SECISBP2: variants seen among roughly 807,000 people sequenced by gnomAD.
SECISBP2 encodes the protein SECIS binding protein 2.
A neutral mutation model predicts 98.2 loss-of-function variants in SECISBP2; 96 were observed. That is an observed-to-expected ratio of 0.98 (90% CI 0.83 to 1.16). SECISBP2 has a LOEUF of 1.16. SECISBP2 is among the 50% of genes most tolerant of loss of function. SECISBP2 has a pLI of 0.00. For synonymous variants in SECISBP2, 407 were observed against 370.2 expected (o/e 1.10, Z -1.14); for missense variants, 1,046 against 1,022.9 (o/e 1.02, Z -0.31).
At chr9:89,352,933 C>G (rs1464674179) in intron 14 of SECISBP2, among the ~76,000 whole-genome samples, 1 of 151,768 alleles carries the variant, frequency 6.6e-6, no homozygotes, top group African/African-American at 2.4e-5. Flanking sequence ...GCCTCTGTTT[C>G]CTCCAGGTAG....
chr9:89,334,736 T>A lies in SECISBP2; in HGVS notation c.1089+6T>A. The A allele has an allele frequency of 6.2e-7, 1 of 1,607,064 alleles. No individual in the cohort carries two copies. The highest frequency in any genetic ancestry group is 8.5e-7 in the Non-Finnish European group (1 of 1,175,516). On this transcript the variant is annotated splice_donor_region_variant and intron_variant, in intron 7 of 16. Coordinates refer to ENST00000375807, the MANE Select transcript of SECISBP2 (RefSeq NM_024077.5). The stretch of plus-strand genomic sequence containing the variant: ...TTATTCATCCTACCCAAAAGGTACG[T>A]GTCACTAGAGACAGAAAGTAGGATG...
intron 14 of SECISBP2, among the ~76,000 whole-genome samples, chr9:89,353,340 C>T (rs1831571487): frequency 6.6e-6 from 1 of 152,194 alleles, no homozygotes; most frequent in African/African-American, 2.4e-5. Context: ...GGGCTGGTCA[C>T]ATCCCCAAGG....
chr9:89,363,526 T>C, downstream of SECISBP2: 1 of 1,614,044 alleles, frequency 6.2e-7, no homozygotes, highest in Non-Finnish European at 8.5e-7. Flanking sequence ...GGTGGGTCAC[T>C]TCTGGAAAAC....
chr9:89,358,083 G>A lies in SECISBP2; in HGVS notation c.2353G>A (p.Val785Met), dbSNP rs996516592. 6.8e-6 allele frequency: 11 copies of A among 1,613,616 alleles called. No homozygotes were observed. Among genetic ancestry groups the A allele is most frequent in the Admixed American group, 3.3e-5 (2 of 60,004 alleles). ...GCTGGAGAATGTGCAGCAGGAGCTGGTGGGAGAGCCCAGGCCTCAGGCACC... is the reference window on the plus strand; with the variant it reads ...GCTGGAGAATGTGCAGCAGGAGCTGATGGGAGAGCCCAGGCCTCAGGCACC... ...TMLENVQQEL[V>M]GEPRPQAPPS... The change falls in exon 16 of 17, where the codon GTG (valine) becomes ATG (methionine). Residue 785 changes from valine to methionine, a missense_variant. Val to Met is a conservative substitution (Grantham distance 21). Coordinates refer to ENST00000375807, the MANE Select transcript of SECISBP2 (RefSeq NM_024077.5).
chr9:89,364,034 C>T (rs1833183933), downstream of SECISBP2: 1 of 1,610,972 alleles, frequency 6.2e-7, no homozygotes, highest in African/African-American at 1.3e-5. Context: ...GGGGTTACCT[C>T]TGCTGTCCCA....
intron 12 of SECISBP2, 64 bp from the exon 13 acceptor site, chr9:89,349,712 C>T: frequency 6.3e-7 from 1 of 1,579,858 alleles, no homozygotes; most frequent in Non-Finnish European, 8.7e-7. Context: ...CTGCATTGGG[C>T]CAGCCCCTCA....
intron 7 of SECISBP2, 86 bp downstream of exon 7, chr9:89,334,816 A>G (rs1828360104): frequency 1.0e-6 from 1 of 998,606 alleles, no homozygotes; most frequent in Middle Eastern, 3.0e-4. Context: ...ATTAATGGGT[A>G]GAGAGTTTCA....
chr9:89,357,332 A>G (rs951173028), intron 14 of SECISBP2, 79 bp from the exon 15 acceptor site: 2 of 1,516,246 alleles, frequency 1.3e-6, no homozygotes, highest in African/African-American at 2.7e-5. Context: ...GTTGCTAAGA[A>G]AAAGCTCTTT....
intron 14 of SECISBP2, among the ~76,000 whole-genome samples, chr9:89,353,422 G>A (rs1372498416): frequency 3.3e-5 from 5 of 152,204 alleles, no homozygotes; most frequent in African/African-American, 1.2e-4. Context: ...ACCACCATTA[G>A]ATGTGTGGTG....
At chr9:89,339,324 C>T (rs951321978) in intron 8 of SECISBP2, among the ~76,000 whole-genome samples, 3 of 152,202 alleles carry the variant, frequency 2.0e-5, no homozygotes, top group Non-Finnish European at 2.9e-5. Context: ...GAAAACCTAC[C>T]GTGGCAGAGC....
intron 2 of SECISBP2, 173 bp from the exon 3 acceptor site, chr9:89,325,254 G>T: frequency 1.6e-6 from 1 of 634,884 alleles, no homozygotes. Flanking sequence ...TTTCTTTGCA[G>T]GGTGAGAAAG....
At chr9:89,321,079 T>G (rs886409808) in intron 2 of SECISBP2, among the ~76,000 whole-genome samples, 1 of 152,226 alleles carries the variant, frequency 6.6e-6, no homozygotes, top group Admixed American at 6.5e-5. Context: ...AACACTACCT[T>G]TATATGCTGG....
At chr9:89,366,067 T>C in the SECISBP2 span, among the ~76,000 whole-genome samples, 1 of 152,176 alleles carries the variant, frequency 6.6e-6, no homozygotes, top group East Asian at 1.9e-4. Context: ...AAGCCCTGTT[T>C]CTATCAGTGA....
chr9:89,363,708 A>G (rs200177945), downstream of SECISBP2: 189 of 1,602,528 alleles, frequency 1.2e-4, 1 homozygote, highest in Non-Finnish European at 1.5e-4. Flanking sequence ...ATTACCTCAT[A>G]AAAGGGTAAC....
intron 11 of SECISBP2, among the ~76,000 whole-genome samples, chr9:89,347,402 G>A (rs1343281266): frequency 6.6e-6 from 1 of 150,520 alleles, no homozygotes; most frequent in Non-Finnish European, 1.5e-5. Context: ...TTGAGAGTCA[G>A]TGAATAATGC....
Position 89,357,503 on chromosome 9 carries a change from C to T in SECISBP2, c.2206C>T (p.Arg736Cys), listed in dbSNP as rs554473793. Residue 736 changes from arginine to cysteine, a missense_variant, in exon 15 of 17, where the codon CGC becomes TGC. Transcript: ENST00000375807. ...VFALNRKALG[R>C]SLNKAVPVSV... is the part of the protein sequence containing the mutation. Reference sequence around the variant, plus strand: ...TGCTCTCAACCGCAAAGCTCTGGGGCGCAGTTTGAATAAGGCAGTTCCTGT... The same window carrying T: ...TGCTCTCAACCGCAAAGCTCTGGGGTGCAGTTTGAATAAGGCAGTTCCTGT... The T allele has an allele frequency of 1.4e-5, 23 of 1,614,188 alleles. No individual in the cohort carries two copies. The highest frequency in any genetic ancestry group is 2.7e-5 in the African/African-American group (2 of 75,042).
Position 89,334,642 on chromosome 9 carries a change from C to T in SECISBP2, c.1001C>T (p.Pro334Leu). 1 of 1,613,954 alleles carries T rather than the reference C, an allele frequency of 6.2e-7. No individual in the cohort carries two copies. Among genetic ancestry groups the T allele is most frequent in the Non-Finnish European group, 8.5e-7 (1 of 1,179,896 alleles). ...AAGACCATTGCTTCATCAGCAGATC[C>T]TAAAAATGTTAGTATACCATCTTCT... is the stretch of plus-strand genomic sequence containing the variant. ...NLKTIASSADPKNVSIPSSEA... is the reference protein window; with the variant it reads ...NLKTIASSADLKNVSIPSSEA... The change falls in exon 7 of 17, where the codon CCT becomes CTT. Residue 334 changes from proline (P) to leucine (L), a missense_variant. Coordinates refer to ENST00000375807, the MANE Select transcript of SECISBP2 (RefSeq NM_024077.5).
At chr9:89,362,549 T>C, downstream of SECISBP2, 2 of 1,559,806 alleles carry the variant, frequency 1.3e-6, no homozygotes, top group African/African-American at 1.4e-5. Context: ...CCCCCTGTTG[T>C]GGTTCCCCTC....
chr9:89,350,097 A>G (rs1170472840), intron 13 of SECISBP2, among the ~76,000 whole-genome samples, 168 bp downstream of exon 13: 1 of 152,218 alleles, frequency 6.6e-6, no homozygotes, highest in African/African-American at 2.4e-5. Flanking sequence ...GGAGAGCCTA[A>G]TCGTTGTGTC....
Sources: gnomAD v4.1 joint callset for allele counts (sites outside exome capture counted in the v4.1 genomes callset) on GRCh38, gnomAD v4.1.1 for gene constraint, MANE v1.5 for transcripts, NCBI Gene and HGNC (gene_info 2026-07-23, HGNC 2026-07-21) for gene names.